CSN3: variants seen among roughly 807,000 people sequenced by gnomAD.
The protein encoded by CSN3 is casein kappa, also known as kappa-casein.
Under a neutral mutation model 9.9 loss-of-function variants are expected in CSN3, and 7 were observed. The observed-to-expected ratio is 0.71, with a 90% CI of 0.40 to 1.33. CSN3 has a LOEUF of 1.33. Among genes scored for constraint, CSN3 ranks in the 40% most tolerant of loss-of-function variants. CSN3 has a pLI of 0.01. For synonymous variants in CSN3, 88 were observed against 82.3 expected (o/e 1.07, Z -0.37); for missense variants, 253 against 227.9 (o/e 1.11, Z -0.71).
upstream of CSN3, among the ~76,000 whole-genome samples, chr4:70,240,662 A>C (rs1730256349): frequency 6.6e-6 from 1 of 151,964 alleles, no homozygotes. Context: ...ACTTTCACTA[A>C]GGTTGCCTTA....
chr4:70,249,375 A>G lies in CSN3; in HGVS notation c.465A>G (p.Val155=), dbSNP rs1416714469. The change falls in exon 4 of 5, where the codon GTA becomes GTG. Residue 155 remains valine, a synonymous_variant. Coordinates refer to ENST00000304954, the Ensembl canonical transcript of CSN3. ...CCACTGAACCAACGGTGGACAGTGT[A>G]GTCACTCCAGAAGCTTTTTCAGAGT... The G allele has an allele frequency of 3.1e-6, 5 of 1,614,130 alleles. No homozygotes were observed. The Admixed American group carries it at 8.3e-5, about 27-fold the overall frequency.
chr4:70,249,275 C>T, exon 4 of CSN3: 2 of 1,614,098 alleles, frequency 1.2e-6, no homozygotes, highest in Non-Finnish European at 1.7e-6. Flanking sequence ...GCCATCCCCC[C>T]AAAGAAAATT....
At chr4:70,246,234 A>G (rs1730374116) in intron 2 of CSN3, among the ~76,000 whole-genome samples, 1 of 152,208 alleles carries the variant, frequency 6.6e-6, no homozygotes, top group South Asian at 2.1e-4. Context: ...ACTAAACTGC[A>G]TAAACACATA....
upstream of CSN3, among the ~76,000 whole-genome samples, chr4:70,238,601 C>T (rs916715603): frequency 6.6e-6 from 1 of 151,752 alleles, no homozygotes; most frequent in African/African-American, 2.4e-5. Flanking sequence ...ATTTTTATAA[C>T]TGTGTAAGAA....
chr4:70,249,174 G>A, exon 4 of CSN3: 1 of 1,613,976 alleles, frequency 6.2e-7, no homozygotes, highest in Non-Finnish European at 8.5e-7. Flanking sequence ...CTGTAGTTAG[G>A]CCACATGCCC....
upstream of CSN3, among the ~76,000 whole-genome samples, chr4:70,241,541 TAA>T (rs1178145286): frequency 6.6e-6 from 1 of 152,040 alleles, no homozygotes; most frequent in Non-Finnish European, 1.5e-5. Context: ...ACAGCCAAAA[TAA>T]GTCACAGTTA....
chr4:70,238,860 G>C (rs1242954187), upstream of CSN3, among the ~76,000 whole-genome samples: 1 of 151,772 alleles, frequency 6.6e-6, no homozygotes, highest in Non-Finnish European at 1.5e-5. Context: ...TCATGGTACT[G>C]TTTCCTAAAG....
rs11293109 is a variant in CSN3, at chr4:70,246,671, C to CTT, written c.55-1130_55-1129dup. On this transcript the variant is annotated intron_variant, in intron 2 of 4. Coordinates refer to ENST00000304954, the Ensembl canonical transcript of CSN3. ...ACTTTCTACAATATTCATATTACTTCTTTTTTTTTTTTTTTTTTGAGACAG... is the reference window on the plus strand; with the variant it reads ...ACTTTCTACAATATTCATATTACTTCTTTTTTTTTTTTTTTTTTTTGAGACAG... Among the ~76,000 whole-genome samples, 152 of 125,448 alleles carry CTT rather than the reference C, an allele frequency of 1.2e-3. 4 individuals are homozygous for CTT. The highest frequency in any genetic ancestry group is 5.6e-3 in the South Asian group (20 of 3,572). 82.3% of individuals were successfully genotyped at this position (125,448 alleles called of 152,430 possible). A position where few individuals can be genotyped will look rare whatever the true frequency, so the allele number is the denominator to read the frequency against.
intron 4 of CSN3, 126 bp downstream of exon 4, chr4:70,249,619 A>G: frequency 1.6e-6 from 1 of 635,092 alleles, no homozygotes; most frequent in Non-Finnish European, 2.7e-6. Flanking sequence ...AAAACAGGGT[A>G]CTTACAGTTT....
intron 2 of CSN3, 25 bp downstream of exon 2, chr4:70,244,898 T>G: frequency 4.8e-6 from 7 of 1,447,866 alleles, no homozygotes; most frequent in Non-Finnish European, 6.5e-6. Flanking sequence ...TCTAACCAGA[T>G]TGTACTGACT....
chr4:70,246,671 C>CTTT (rs11293109), intron 2 of CSN3, among the ~76,000 whole-genome samples: 12,996 of 125,192 alleles, frequency 0.1, 952 homozygotes, highest in East Asian at 0.24. Flanking sequence ...CATATTACTT[C>CTTT]TTTTTTTTTT....
At chr4:70,239,900 C>T (rs1486637687), upstream of CSN3, among the ~76,000 whole-genome samples, 1 of 151,944 alleles carries the variant, frequency 6.6e-6, no homozygotes, top group African/African-American at 2.4e-5. Context: ...GAAGCATACA[C>T]ATTTCTTTTT....
chr4:70,243,507 A>C (rs1227129466), intron 1 of CSN3, among the ~76,000 whole-genome samples: 4 of 152,036 alleles, frequency 2.6e-5, no homozygotes, highest in African/African-American at 9.7e-5. Flanking sequence ...CAGCCTTCCT[A>C]ATCATTATTG....
chr4:70,247,962 TA>T, intron 3 of CSN3, 112 bp downstream of exon 3: 1 of 648,858 alleles, frequency 1.5e-6, no homozygotes, highest in Non-Finnish European at 2.5e-6. Flanking sequence ...TTCATTTCCA[TA>T]AAACAATCTA....
intron 2 of CSN3, among the ~76,000 whole-genome samples, chr4:70,245,698 G>A (rs1412854977): frequency 6.6e-6 from 1 of 152,038 alleles, no homozygotes; most frequent in East Asian, 1.9e-4. Context: ...TCCTCGTTCT[G>A]TGAATCTCTG....
intron 2 of CSN3, 106 bp from the exon 3 acceptor site, chr4:70,247,712 A>G (rs1282912218): frequency 1.6e-5 from 15 of 952,092 alleles, no homozygotes; most frequent in Non-Finnish European, 2.4e-5. Flanking sequence ...AAATAAAAAG[A>G]AAACATATTT....
exon 4 of CSN3, chr4:70,249,383 C>T (rs751057733): frequency 1.2e-6 from 2 of 1,614,050 alleles, no homozygotes; most frequent in Non-Finnish European, 1.7e-6. Flanking sequence ...GTAGTCACTC[C>T]AGAAGCTTTT....
upstream of CSN3, among the ~76,000 whole-genome samples, chr4:70,242,229 T>A (rs1276738664): frequency 6.6e-6 from 1 of 151,714 alleles, no homozygotes; most frequent in Non-Finnish European, 1.5e-5. Flanking sequence ...ATATGAATAC[T>A]TTTTTCAAGC....
chr4:70,245,699 T>A (rs1181303314), intron 2 of CSN3, among the ~76,000 whole-genome samples: 1 of 152,190 alleles, frequency 6.6e-6, no homozygotes, highest in East Asian at 1.9e-4. Context: ...CCTCGTTCTG[T>A]GAATCTCTGT....
Sources: gnomAD v4.1 joint callset for allele counts (sites outside exome capture counted in the v4.1 genomes callset) on GRCh38, gnomAD v4.1.1 for gene constraint, MANE v1.5 for transcripts, NCBI Gene and HGNC (gene_info 2026-07-23, HGNC 2026-07-21) for gene names.